AGAP1: variants seen among roughly 807,000 people sequenced by gnomAD.
AGAP1 encodes arf-GAP with GTPase, ANK repeat and PH domain-containing protein 1.
In AGAP1, 29 loss-of-function variants were observed where a neutral mutation model predicts 105.3. That is an observed-to-expected ratio of 0.28 (90% CI 0.21 to 0.38). AGAP1 has a LOEUF of 0.38. Ranked by LOEUF, AGAP1 falls within the 10% of genes least tolerant of loss-of-function variation. AGAP1 has a pLI of 1.00. For missense variants in AGAP1, 998 were observed against 1,165.1 expected, an observed-to-expected ratio of 0.86 and a Z score of 2.09; for synonymous variants, 509 against 485.9, an observed-to-expected ratio of 1.05 and a Z score of -0.63.
At chr2:235,849,619 CACG>C (rs1961927302) in intron 9 of AGAP1, among the ~76,000 whole-genome samples, 1 of 149,452 alleles carries the variant, frequency 6.7e-6, no homozygotes, top group Admixed American at 6.9e-5. Flanking sequence ...CCTCTGCAGC[CACG>C]ACTTCTCCAT....
chr2:235,875,346 A>G lies in AGAP1; in HGVS notation c.1051-7999A>G, dbSNP rs997193376. 2.0e-5 allele frequency among the ~76,000 whole-genome samples: 3 copies of G among 152,188 alleles called. No homozygotes were observed. Among genetic ancestry groups the G allele is most frequent in the African/African-American group, 7.2e-5 (3 of 41,450 alleles). On this transcript the variant is annotated intron_variant, in intron 9 of 17. Transcript: ENST00000304032. The surrounding 1 kb of genome is among the most constrained non-coding windows in gnomAD (Gnocchi z 4.0). The stretch of plus-strand genomic sequence containing the variant: ...CTTTGGGTTCCTGAGATCTTAGGAT[A>G]AAAGCCCACCGAGGTGCGAGTCTCA...
Position 235,535,640 on chromosome 2 carries a change from C to CGTCG in AGAP1, c.163+40792_163+40795dup, listed in dbSNP as rs768655050. 8.5e-5 allele frequency among the ~76,000 whole-genome samples: 13 copies of CGTCG among 152,170 alleles called. No homozygotes were observed. Among genetic ancestry groups the CGTCG allele is most frequent in the South Asian group, 4.2e-4 (2 of 4,794 alleles). On this transcript the variant is annotated intron_variant, in intron 1 of 17. Transcript: ENST00000304032. The surrounding 1 kb of genome is among the most constrained non-coding windows in gnomAD (Gnocchi z 5.1). ...CGGGCGGGGCTGTGCCAGGCACCCG[C>CGTCG]GTCGCGCTCCAGCTCCAGCCCTTTA...
intron 10 of AGAP1, among the ~76,000 whole-genome samples, chr2:235,896,195 A>C (rs114776043): frequency 0.023 from 3,525 of 152,284 alleles, 108 homozygotes; most frequent in African/African-American, 0.081. Flanking sequence ...AAATGAAGTC[A>C]TATGCTGTTT....
chr2:235,536,360 C>T (rs1943224211), intron 1 of AGAP1, among the ~76,000 whole-genome samples: 1 of 66,170 alleles, frequency 1.5e-5, no homozygotes, highest in Non-Finnish European at 2.9e-5. Context: ...CCTACACACA[C>T]ACACACACAC....
Position 235,908,642 on chromosome 2 carries a change from T to A in AGAP1, c.1156-96T>A, listed in dbSNP as rs1180504927. On this transcript the variant is annotated intron_variant, in intron 10 of 17. Coordinates refer to ENST00000304032, the MANE Select transcript of AGAP1 (RefSeq NM_001037131.3). The surrounding 1 kb of genome is among the most constrained non-coding windows in gnomAD (Gnocchi z 4.4). ...TTTCCACAGTGGAAGGGTCATAGGG[T>A]TTTAACTCATGACGTCTGATAGACC... 9 of 1,206,142 alleles carry A rather than the reference T, an allele frequency of 7.5e-6. No homozygotes were observed. Among genetic ancestry groups the A allele is most frequent in the Non-Finnish European group, 1.0e-5 (9 of 864,552 alleles). The allele number at this position is 1,206,142 out of a possible 1,614,324, so 74.7% of individuals were successfully genotyped here.
chr2:235,869,582 C>A (rs1007496657), intron 9 of AGAP1, among the ~76,000 whole-genome samples: 1 of 152,166 alleles, frequency 6.6e-6, no homozygotes, highest in African/African-American at 2.4e-5. Context: ...GCCTGAGCGA[C>A]AGAGCGAGAC....
intron 9 of AGAP1, among the ~76,000 whole-genome samples, chr2:235,821,658 T>A (rs999093600): frequency 6.6e-6 from 1 of 152,222 alleles, no homozygotes; most frequent in Non-Finnish European, 1.5e-5. Flanking sequence ...ATATAACTAG[T>A]ACAGCTATAA....
At position 236,009,082 on chromosome 2, in the gene AGAP1, C is replaced by G. The variant is rs368162712; in HGVS notation, c.1646-27479C>G. Among the ~76,000 whole-genome samples, 10 of 152,286 alleles carry G rather than the reference C, an allele frequency of 6.6e-5. No homozygotes were observed. The East Asian group carries it at 1.9e-3, about 29-fold the overall frequency. On this transcript the variant is annotated intron_variant, in intron 13 of 17. Coordinates refer to ENST00000304032, the MANE Select transcript of AGAP1 (RefSeq NM_001037131.3). The surrounding 1 kb of genome is among the most constrained non-coding windows in gnomAD (Gnocchi z 4.2). ...CAACATGACTCCTTCTCTGTGAGCT[C>G]TCCGCTAGGAAGCGGCCATCATGTC...
chr2:235,709,934 C>G (rs963624988), intron 2 of AGAP1, among the ~76,000 whole-genome samples: 2 of 151,964 alleles, frequency 1.3e-5, no homozygotes, highest in Non-Finnish European at 2.9e-5. Flanking sequence ...GGTTATGTAT[C>G]TGTGTATGTA....
chr2:235,929,028 G>A (rs1295209666), intron 11 of AGAP1, among the ~76,000 whole-genome samples: 1 of 152,216 alleles, frequency 6.6e-6, no homozygotes, highest in East Asian at 1.9e-4. Flanking sequence ...CATGCCCTGA[G>A]ATGGAGCTCT....
At chr2:235,649,046 C>A (rs925349785) in intron 1 of AGAP1, among the ~76,000 whole-genome samples, 1 of 152,294 alleles carries the variant, frequency 6.6e-6, no homozygotes, top group Admixed American at 6.5e-5. Flanking sequence ...CTTGTGAGAA[C>A]CCCAGATGAG....
intron 1 of AGAP1, among the ~76,000 whole-genome samples, chr2:235,706,240 A>C (rs1950526916): frequency 6.6e-6 from 1 of 152,126 alleles, no homozygotes; most frequent in Admixed American, 6.6e-5. Flanking sequence ...TTTTTTAAAT[A>C]ACGAGATGGA....
At chr2:235,628,659 G>A (rs1481633212) in intron 1 of AGAP1, among the ~76,000 whole-genome samples, 1 of 151,976 alleles carries the variant, frequency 6.6e-6, no homozygotes, top group Non-Finnish European at 1.5e-5. Context: ...GGAACAGGTG[G>A]TGTTTGGTTA....
intron 3 of AGAP1, among the ~76,000 whole-genome samples, chr2:235,727,261 T>C (rs1222688895): frequency 4.0e-5 from 6 of 151,696 alleles, no homozygotes; most frequent in Non-Finnish European, 8.8e-5. Flanking sequence ...GAAGGTGGAC[T>C]CCAGAAAAGG....
intron 1 of AGAP1, among the ~76,000 whole-genome samples, chr2:235,508,061 G>A (rs1042893016): frequency 6.6e-6 from 1 of 152,132 alleles, no homozygotes; most frequent in African/African-American, 2.4e-5. Context: ...CCGCTGGTTC[G>A]CTTATGATAT....
At chr2:235,758,923 G>T (rs1954163521) in intron 6 of AGAP1, among the ~76,000 whole-genome samples, 1 of 152,134 alleles carries the variant, frequency 6.6e-6, no homozygotes, top group African/African-American at 2.4e-5. Flanking sequence ...CTCCCAAGTT[G>T]CTGGGATTAC....
chr2:236,048,781 C>A (rs894965786), intron 15 of AGAP1, among the ~76,000 whole-genome samples: 1 of 152,202 alleles, frequency 6.6e-6, no homozygotes, highest in Non-Finnish European at 1.5e-5. Flanking sequence ...TGGGAAAGTG[C>A]ATCTTTTCTA....
chr2:236,024,391 C>T (rs2056986187), intron 13 of AGAP1, among the ~76,000 whole-genome samples: 1 of 152,116 alleles, frequency 6.6e-6, no homozygotes, highest in Non-Finnish European at 1.5e-5. Flanking sequence ...GATCCAGGTC[C>T]TCTTGGCCTT....
rs972357171 is a variant in AGAP1, at chr2:235,754,719, C to A, written c.673+4231C>A. On this transcript the variant is annotated intron_variant, in intron 6 of 17. Coordinates refer to ENST00000304032, the MANE Select transcript of AGAP1 (RefSeq NM_001037131.3). This position sits in a 1 kb window ranked among gnomAD's most constrained non-coding sequence, Gnocchi z 4.6. ...CAGCCTAGCAGGCTGGTTCATCCAC[C>A]CAGTCACTCGTTCATCTGAGCACCA... Among the ~76,000 whole-genome samples the A allele has an allele frequency of 1.1e-4, 17 of 152,200 alleles. No homozygotes were observed. The highest frequency in any genetic ancestry group is 4.1e-4 in the African/African-American group (17 of 41,438).
Sources: gnomAD v4.1 joint callset for allele counts (sites outside exome capture counted in the v4.1 genomes callset) on GRCh38, gnomAD v4.1.1 for gene constraint, Gnocchi (gnomAD v3.1) non-coding constraint, MANE v1.5 for transcripts, NCBI Gene and HGNC (gene_info 2026-07-23, HGNC 2026-07-21) for gene names.